Variants in STK11 observed in about 807,000 individuals in gnomAD.
STK11 encodes serine/threonine kinase 11, also known as serine/threonine-protein kinase STK11.
In STK11, 8 loss-of-function variants were observed where a neutral mutation model predicts 47.3. The observed-to-expected ratio is 0.17, with a 90% CI of 0.10 to 0.31. STK11 has a LOEUF of 0.31. Ranked by LOEUF, STK11 falls within the 10% of genes least tolerant of loss-of-function variation. The pLI is 1.00. For synonymous variants in STK11, 330 were observed against 255.8 expected, an observed-to-expected ratio of 1.29 and a Z score of -2.77; for missense variants, 475 against 605.0, an observed-to-expected ratio of 0.79 and a Z score of 2.25.
At position 1,226,653 on chromosome 19, in the gene STK11, G is replaced by A. The variant is rs1057523753; in HGVS notation, c.*6G>A. ...CGGCCTGCAAGCAGCAGTGAGGCTGGCCGCCTGCAGGTGGGGCGCGGCGGG... is the reference window on the plus strand; with the variant it reads ...CGGCCTGCAAGCAGCAGTGAGGCTGACCGCCTGCAGGTGGGGCGCGGCGGG... On this transcript the variant is annotated 3_prime_UTR_variant, in exon 9 of 10. Coordinates refer to ENST00000326873, the MANE Select transcript of STK11 (RefSeq NM_000455.5). 2 of 1,515,410 alleles carry A rather than the reference G, an allele frequency of 1.3e-6. No individual in the cohort carries two copies. The highest frequency in any genetic ancestry group is 1.8e-6 in the Non-Finnish European group (2 of 1,133,662). 93.9% of individuals were successfully genotyped at this position (1,515,410 alleles called of 1,614,324 possible). A position where few individuals can be genotyped will look rare whatever the true frequency, so the allele number is the denominator to read the frequency against.
chr19:1,225,862 C>T (rs1211562478), intron 8 of STK11: 11 of 986,936 alleles, frequency 1.1e-5, no homozygotes, highest in African/African-American at 1.7e-5. Context: ...AGAACAGTGT[C>T]CACCTGGGCA....
chr19:1,226,893 C>T (rs1366706825), intron 9 of STK11: 6 of 550,188 alleles, frequency 1.1e-5, no homozygotes, highest in South Asian at 1.1e-4. Flanking sequence ...TGTGGCGGGG[C>T]TCTGGGGGGG....
intron 1 of STK11, among the ~76,000 whole-genome samples, chr19:1,209,262 G>A (rs1435945258): frequency 6.6e-6 from 1 of 152,036 alleles, no homozygotes; most frequent in Non-Finnish European, 1.5e-5. Context: ...AGGGGCCAGT[G>A]ACAGTCTCTC....
At position 1,228,167 on chromosome 19, in the gene STK11, C is replaced by A. The variant is rs1568721330; in HGVS notation, c.*591C>A. Reference sequence around the variant, plus strand: ...CTGTGGGGTCGGGCTCACGTCGCGGCCGCCTTTGCGCTCTCGGGTCACCCT... The same window carrying A: ...CTGTGGGGTCGGGCTCACGTCGCGGACGCCTTTGCGCTCTCGGGTCACCCT... On this transcript the variant is annotated 3_prime_UTR_variant, in exon 10 of 10. Transcript: ENST00000326873. The A allele has an allele frequency of 9.4e-7, 1 of 1,059,136 alleles. No individual in the cohort carries two copies. The highest frequency in any genetic ancestry group is 1.1e-6 in the Non-Finnish European group (1 of 873,572). The allele number at this position is 1,059,136 out of a possible 1,614,324, so 65.6% of individuals were successfully genotyped here. A position where few individuals can be genotyped will look rare whatever the true frequency, so the allele number is the denominator to read the frequency against.
intron 1 of STK11, among the ~76,000 whole-genome samples, chr19:1,211,450 A>G (rs906097766): frequency 4.3e-4 from 37 of 86,458 alleles, no homozygotes; most frequent in African/African-American, 2.0e-3. Flanking sequence ...CGGAGCCCAC[A>G]GTGGGGTTCT....
intron 1 of STK11, among the ~76,000 whole-genome samples, chr19:1,214,992 A>G (rs772328633): frequency 1.2e-4 from 19 of 152,196 alleles, no homozygotes; most frequent in Non-Finnish European, 1.3e-4. Flanking sequence ...TCTCCTCTGA[A>G]TAGAAGGCAA....
intron 8 of STK11, chr19:1,224,539 C>T: frequency 2.0e-6 from 2 of 985,506 alleles, no homozygotes; most frequent in Non-Finnish European, 2.4e-6. Flanking sequence ...CAGGGCCAGC[C>T]CAGGCAGGTT....
intron 8 of STK11, chr19:1,225,122 G>A: frequency 1.0e-6 from 1 of 985,666 alleles, no homozygotes; most frequent in Non-Finnish European, 1.2e-6. Flanking sequence ...GTGCAGACAG[G>A]AGTGTGGGGT....
At chr19:1,219,274 G>A (rs2080764644) in intron 2 of STK11, 50 bp from the exon 3 acceptor site, 1 of 1,549,312 alleles carries the variant, frequency 6.5e-7, no homozygotes, top group Admixed American at 2.0e-5. Context: ...CGTGCTCCCT[G>A]GGCCTGTGAG....
In STK11 at chr19:1,227,906, T is replaced by G. The variant is rs1290747803; in HGVS notation, c.*330T>G. 1.9e-6 allele frequency: 2 copies of G among 1,070,218 alleles called. No individual in the cohort carries two copies. Among genetic ancestry groups the G allele is most frequent in the African/African-American group, 1.6e-5 (1 of 61,108 alleles). 66.3% of individuals were successfully genotyped at this position (1,070,218 alleles called of 1,614,324 possible). On this transcript the variant is annotated 3_prime_UTR_variant, in exon 10 of 10. Coordinates refer to ENST00000326873, the MANE Select transcript of STK11 (RefSeq NM_000455.5). The stretch of plus-strand genomic sequence containing the variant: ...ACTGGCCCCGCCCGTGGCCTCGTGC[T>G]CCGCAGGGCGCCCAGCGCCGTCCGG...
intron 1 of STK11, among the ~76,000 whole-genome samples, chr19:1,215,495 C>T (rs1264938563): frequency 6.6e-6 from 1 of 152,244 alleles, no homozygotes; most frequent in Admixed American, 6.5e-5. Flanking sequence ...TCACACCTTG[C>T]TTTCCCTTCA....
chr19:1,210,465 C>G (rs2080702098), intron 1 of STK11, among the ~76,000 whole-genome samples: 1 of 152,220 alleles, frequency 6.6e-6, no homozygotes, highest in Non-Finnish European at 1.5e-5. Flanking sequence ...TGAGTCCCGT[C>G]TCTTCCCTTC....
intron 7 of STK11, 138 bp from the exon 8 acceptor site, chr19:1,222,847 G>A (rs1189963188): frequency 4.9e-6 from 5 of 1,017,318 alleles, no homozygotes; most frequent in African/African-American, 4.9e-5. Flanking sequence ...AGCTTCTGTG[G>A]TCACAGCCAC....
intron 1 of STK11, among the ~76,000 whole-genome samples, chr19:1,213,182 A>G (rs1363170065): frequency 6.7e-6 from 1 of 150,250 alleles, no homozygotes; most frequent in Non-Finnish European, 1.5e-5. Flanking sequence ...TATTTTTAGT[A>G]GAGATGGGGT....
intron 8 of STK11, chr19:1,224,473 C>G (rs1207364121): frequency 2.0e-6 from 2 of 985,306 alleles, no homozygotes; most frequent in African/African-American, 3.5e-5. Flanking sequence ...CTTTCAGAGC[C>G]CTGGTGCCCT....
At chr19:1,219,273 T>C (rs2145421942) in intron 2 of STK11, 51 bp from the exon 3 acceptor site, 1 of 1,547,342 alleles carries the variant, frequency 6.5e-7, no homozygotes, top group South Asian at 1.2e-5. Flanking sequence ...CCGTGCTCCC[T>C]GGGCCTGTGA....
At chr19:1,210,024 C>T (rs529735912) in intron 1 of STK11, among the ~76,000 whole-genome samples, 5 of 152,266 alleles carry the variant, frequency 3.3e-5, no homozygotes, top group African/African-American at 1.2e-4. Context: ...TTTGCCCTTG[C>T]GGGGCCCCCT....
chr19:1,223,256 A>G, intron 8 of STK11, 84 bp downstream of exon 8: 2 of 1,476,690 alleles, frequency 1.4e-6, no homozygotes, highest in East Asian at 4.9e-5. Context: ...TGTCTGCAAC[A>G]AGGACAGCTT....
intron 1 of STK11, 107 bp downstream of exon 1, chr19:1,207,310 C>A: frequency 7.0e-7 from 1 of 1,423,672 alleles, no homozygotes; most frequent in Non-Finnish European, 9.5e-7. Context: ...CCTCTTAACA[C>A]CCTGAGCTGG....
Sources: allele counts gnomAD v4.1 joint callset (sites outside exome capture counted in the v4.1 genomes callset), GRCh38; gene constraint gnomAD v4.1.1; transcripts MANE v1.5; gene names NCBI Gene and HGNC (gene_info 2026-07-23, HGNC 2026-07-21).